The following RXRA variants were observed in gnomAD, a reference collection of about 807,000 sequenced individuals.
The protein encoded by RXRA is retinoic acid receptor RXR-alpha.
RXRA carries 5 observed loss-of-function variants against 44.5 expected under a neutral mutation model. The observed-to-expected ratio is 0.11, with a 90% CI of 0.06 to 0.24. RXRA has a LOEUF of 0.24. Ranked by LOEUF, RXRA falls within the 10% of genes least tolerant of loss-of-function variation. The pLI is 1.00. For missense variants in RXRA, 412 were observed against 646.5 expected, an observed-to-expected ratio of 0.64 and a Z score of 3.93; for synonymous variants, 291 against 271.4, an observed-to-expected ratio of 1.07 and a Z score of -0.71.
chr9:134,422,648 T>C (rs1173840604), intron 6 of RXRA: 21 of 972,186 alleles, frequency 2.2e-5, no homozygotes, highest in Non-Finnish European at 2.3e-5. Context: ...CCCCGGACAC[T>C]CCCCACTCCC....
rs933113616 is a variant in RXRA at position 134,342,654 on chromosome 9, G to T, written c.28+15995G>T. Among the ~76,000 whole-genome samples the T allele has an allele frequency of 6.6e-6, 1 of 152,258 alleles. No homozygotes were observed. Among genetic ancestry groups the T allele is most frequent in the Admixed American group, 6.5e-5 (1 of 15,302 alleles). ...TGGGGCTGCGGGGCTGCGGGAGGAG[G>T]CCCCTGTGGTTCCCACAGGGCCATG... On this transcript the variant is annotated intron_variant, in intron 1 of 9. Coordinates refer to ENST00000481739, the MANE Select transcript of RXRA (RefSeq NM_002957.6). This position sits in a 1 kb window ranked among gnomAD's most constrained non-coding sequence, Gnocchi z 4.4.
chr9:134,399,624 T>A (rs1830930269), intron 1 of RXRA, among the ~76,000 whole-genome samples: 1 of 152,216 alleles, frequency 6.6e-6, no homozygotes, highest in South Asian at 2.1e-4. Flanking sequence ...ATAGGGCTGG[T>A]TTGCAGTACC....
At chr9:134,381,554 G>A (rs1164253578) in intron 1 of RXRA, among the ~76,000 whole-genome samples, 2 of 152,098 alleles carry the variant, frequency 1.3e-5, no homozygotes, top group African/African-American at 4.8e-5. Flanking sequence ...GATGGTGGGG[G>A]CTGGGTGGGG....
chr9:134,358,507 C>T (rs1017208186), intron 1 of RXRA, among the ~76,000 whole-genome samples: 5 of 152,190 alleles, frequency 3.3e-5, no homozygotes, highest in Non-Finnish European at 7.3e-5. Context: ...GTGCAGTCCT[C>T]AGAGGCCTTG....
Position 134,349,496 on chromosome 9 carries a change from G to A in RXRA, c.28+22837G>A, listed in dbSNP as rs1554749202. ...TTCAGCTGCCACACCTGGCAGTGGTGCTGCGGGGGTGGCTCGGCCCTGAAG... is the reference window on the plus strand; with the variant it reads ...TTCAGCTGCCACACCTGGCAGTGGTACTGCGGGGGTGGCTCGGCCCTGAAG... On this transcript the variant is annotated intron_variant, in intron 1 of 9. Transcript: ENST00000481739. This position sits in a 1 kb window ranked among gnomAD's most constrained non-coding sequence, Gnocchi z 4.3. 6.6e-6 allele frequency among the ~76,000 whole-genome samples: 1 copy of A among 152,172 alleles called. No individual in the cohort carries two copies. Among genetic ancestry groups the A allele is most frequent in the Non-Finnish European group, 1.5e-5 (1 of 68,010 alleles).
chr9:134,413,199 G>T (rs1275187997), intron 4 of RXRA, among the ~76,000 whole-genome samples: 2 of 152,194 alleles, frequency 1.3e-5, no homozygotes, highest in African/African-American at 4.8e-5. Context: ...CGAGCTTGGG[G>T]GTGGATGAGA....
intron 1 of RXRA, among the ~76,000 whole-genome samples, chr9:134,335,112 G>T (rs1256385590): frequency 6.6e-6 from 1 of 152,132 alleles, no homozygotes; most frequent in Admixed American, 6.5e-5. Context: ...TGGAGGCCAG[G>T]CCTCCACCTA....
At chr9:134,399,924 G>A (rs994091159) in intron 1 of RXRA, among the ~76,000 whole-genome samples, 2 of 152,242 alleles carry the variant, frequency 1.3e-5, no homozygotes, top group Non-Finnish European at 1.5e-5. Flanking sequence ...GCAAGAGGGG[G>A]TGTGTGGAGC....
chr9:134,333,455 T>G (rs567948889), intron 1 of RXRA, among the ~76,000 whole-genome samples: 1 of 151,296 alleles, frequency 6.6e-6, no homozygotes, highest in South Asian at 2.1e-4. Context: ...GGGCTGGGGG[T>G]GATGGGTGTC....
intron 1 of RXRA, among the ~76,000 whole-genome samples, chr9:134,361,945 C>T (rs901758007): frequency 1.1e-4 from 16 of 152,202 alleles, no homozygotes; most frequent in African/African-American, 1.7e-4. Context: ...CACATAGCTC[C>T]GGCTGCGCTG....
intron 1 of RXRA, among the ~76,000 whole-genome samples, chr9:134,371,394 T>C (rs143532334): frequency 0.016 from 2,470 of 152,258 alleles, 27 homozygotes; most frequent in African/African-American, 0.027. Context: ...AGGGCCAGGG[T>C]AGCCGTGGCT....
At chr9:134,334,859 A>G (rs1829971547) in intron 1 of RXRA, among the ~76,000 whole-genome samples, 1 of 152,210 alleles carries the variant, frequency 6.6e-6, no homozygotes, top group African/African-American at 2.4e-5. Flanking sequence ...GCTCTGAGCT[A>G]GCCAGGGTGG....
At position 134,343,751 on chromosome 9, in the gene RXRA, C is replaced by T. The variant is rs146018285; in HGVS notation, c.28+17092C>T. 1.1e-4 allele frequency among the ~76,000 whole-genome samples: 17 copies of T among 152,248 alleles called. No homozygotes were observed. The East Asian group carries it at 1.9e-3, about 17-fold the overall frequency. ...AACCCTCCATCCGCCCGTCCCCAGC[C>T]GGGCGCGGCACTGAGCTGAGGGAGC... On this transcript the variant is annotated intron_variant, in intron 1 of 9. Coordinates refer to ENST00000481739, the MANE Select transcript of RXRA (RefSeq NM_002957.6). The surrounding 1 kb of genome is among the most constrained non-coding windows in gnomAD (Gnocchi z 4.1).
intron 1 of RXRA, among the ~76,000 whole-genome samples, chr9:134,362,540 G>A (rs1830364936): frequency 6.6e-6 from 1 of 152,224 alleles, no homozygotes; most frequent in Non-Finnish European, 1.5e-5. Context: ...TCACAGCATG[G>A]TGCTGGCATG....
chr9:134,349,321 C>A lies in RXRA; in HGVS notation c.28+22662C>A, dbSNP rs908572681. ...TGGACAGCCGGGTGTCATTGGTGGG[C>A]CTGTTGGGCCGGGGCGCCTCGGCCT... On this transcript the variant is annotated intron_variant, in intron 1 of 9. Coordinates refer to ENST00000481739, the MANE Select transcript of RXRA (RefSeq NM_002957.6). The surrounding 1 kb of genome is among the most constrained non-coding windows in gnomAD (Gnocchi z 4.3). 1.3e-5 allele frequency among the ~76,000 whole-genome samples: 2 copies of A among 152,160 alleles called. No homozygotes were observed. The highest frequency in any genetic ancestry group is 2.1e-4 in the South Asian group (1 of 4,834).
At chr9:134,425,602 G>A (rs1831420902) in intron 6 of RXRA, 40 of 970,394 alleles carry the variant, frequency 4.1e-5, no homozygotes, top group Non-Finnish European at 4.8e-5. Flanking sequence ...GGGCCTTGCT[G>A]GGCTGGGAGG....
intron 5 of RXRA, among the ~76,000 whole-genome samples, chr9:134,419,646 C>T (rs1232853011): frequency 6.6e-6 from 1 of 152,228 alleles, no homozygotes; most frequent in African/African-American, 2.4e-5. Flanking sequence ...CCTGTGGACA[C>T]TTCTAGGCAG....
chr9:134,399,524 G>C (rs776702508), intron 1 of RXRA, among the ~76,000 whole-genome samples: 1 of 152,122 alleles, frequency 6.6e-6, no homozygotes, highest in Non-Finnish European at 1.5e-5. Flanking sequence ...TCTGCACCTG[G>C]GGATTCTGGA....
chr9:134,382,800 C>T (rs547352463), intron 1 of RXRA, among the ~76,000 whole-genome samples: 2 of 152,240 alleles, frequency 1.3e-5, no homozygotes, highest in Non-Finnish European at 2.9e-5. Flanking sequence ...AGAGCTGGTC[C>T]GGGGTGGCCT....
Sources: allele counts gnomAD v4.1 joint callset (sites outside exome capture counted in the v4.1 genomes callset), GRCh38; gene constraint gnomAD v4.1.1; non-coding constraint Gnocchi (gnomAD v3.1); transcripts MANE v1.5; gene names NCBI Gene and HGNC (gene_info 2026-07-23, HGNC 2026-07-21).